The following COL26A1 variants were observed in gnomAD, a reference collection of about 807,000 sequenced individuals.
COL26A1 encodes the protein collagen alpha-1(XXVI) chain.
Under a neutral mutation model 59.3 loss-of-function variants are expected in COL26A1, and 41 were observed. The ratio of observed to expected loss-of-function variants is 0.69; its 90% CI spans 0.54 to 0.90. The LOEUF is 0.90. Ranked by LOEUF, COL26A1 falls within the 40% of genes least tolerant of loss-of-function variation. The pLI is 0.00. For synonymous variants in COL26A1, 266 were observed against 256.0 expected (o/e 1.04, Z -0.37); for missense variants, 612 against 602.3 (o/e 1.02, Z -0.17).
In COL26A1 at chr7:101,407,729, C is replaced by T. The variant is rs373564734; in HGVS notation, c.159-12248C>T. ...AGCACCTCTCCATAAAACATACCCCCTAGCACCATAACGATTTACCATTGC... is the reference window on the plus strand; with the variant it reads ...AGCACCTCTCCATAAAACATACCCCTTAGCACCATAACGATTTACCATTGC... On this transcript the variant is annotated intron_variant, in intron 1 of 12. Transcript: ENST00000313669. Among the ~76,000 whole-genome samples, 5 of 151,998 alleles carry T rather than the reference C, an allele frequency of 3.3e-5. No individual in the cohort carries two copies. In the South Asian group the frequency reaches 6.2e-4, roughly 19 times the overall value.
intron 3 of COL26A1, among the ~76,000 whole-genome samples, chr7:101,467,333 T>C (rs1177602246): frequency 7.0e-6 from 1 of 142,578 alleles, no homozygotes; most frequent in East Asian, 2.0e-4. Context: ...CGAGTGGGTC[T>C]TCTGGTTTCA....
chr7:101,362,750 C>G (rs1216449060), upstream of COL26A1: 3 of 486,190 alleles, frequency 6.2e-6, no homozygotes, highest in African/African-American at 6.3e-5. Context: ...CACCCTAGCT[C>G]TGCCGCCACT....
intron 2 of COL26A1, among the ~76,000 whole-genome samples, chr7:101,434,635 G>A (rs949825030): frequency 1.3e-5 from 2 of 151,870 alleles, no homozygotes; most frequent in African/African-American, 2.4e-5. Flanking sequence ...GAGAGAAGGC[G>A]GCACTCAAAA....
chr7:101,431,235 G>A (rs1792772382), intron 2 of COL26A1, among the ~76,000 whole-genome samples: 1 of 152,154 alleles, frequency 6.6e-6, no homozygotes. Context: ...GATATTAAAT[G>A]TAAGGTTTTC....
At chr7:101,555,644 T>G (rs77156800) in intron 11 of COL26A1, 143 bp from the exon 12 acceptor site, 20,563 of 599,884 alleles carry the variant, frequency 0.034, 432 homozygotes, top group Non-Finnish European at 0.043. Context: ...GTTCAGTCTA[T>G]GCTTATTTGC....
At chr7:101,421,113 G>A (rs1792509127) in intron 2 of COL26A1, among the ~76,000 whole-genome samples, 1 of 152,196 alleles carries the variant, frequency 6.6e-6, no homozygotes, top group Non-Finnish European at 1.5e-5. Context: ...GAAGGGATGG[G>A]GGAGAGGGAG....
intron 1 of COL26A1, among the ~76,000 whole-genome samples, chr7:101,409,135 T>C (rs766105059): frequency 1.3e-4 from 19 of 151,972 alleles, no homozygotes; most frequent in South Asian, 6.2e-4. Flanking sequence ...GGTAGCAGAA[T>C]GAGGAGGGGA....
At chr7:101,404,792 C>G (rs562046643) in intron 1 of COL26A1, among the ~76,000 whole-genome samples, 166 of 150,860 alleles carry the variant, frequency 1.1e-3, no homozygotes, top group Non-Finnish European at 9.4e-4. Context: ...GTTCCAGCTA[C>G]GCAGGAGGCT....
At chr7:101,477,474 T>C (rs1474403047) in intron 3 of COL26A1, among the ~76,000 whole-genome samples, 1 of 152,092 alleles carries the variant, frequency 6.6e-6, no homozygotes, top group African/African-American at 2.4e-5. Context: ...CCTGAGAAAA[T>C]TTGTCTACTC....
At chr7:101,427,121 C>T (rs538372962) in intron 2 of COL26A1, among the ~76,000 whole-genome samples, 55 of 152,348 alleles carry the variant, frequency 3.6e-4, no homozygotes, top group Middle Eastern at 3.4e-3. Context: ...TGCAGTGGCA[C>T]AATCATAGCT....
chr7:101,556,608 T>A (rs944517940), intron 12 of COL26A1, among the ~76,000 whole-genome samples: 11 of 152,052 alleles, frequency 7.2e-5, no homozygotes, highest in Non-Finnish European at 1.0e-4. Context: ...AATGGATGGA[T>A]GGATGGATGA....
At position 101,540,006 on chromosome 7, in the gene COL26A1, T is replaced by C; in HGVS notation, c.561T>C (p.Leu187=). The change falls in exon 5 of 13, where the codon CTT becomes CTC. Residue 187 remains leucine (L), a synonymous_variant. Transcript: ENST00000313669. ...NEDFLPDAIP[L]AHPVPRQRRP... ...ACTTCCTCCCCGACGCCATCCCTCT[T>C]GCTCACCCTGTGCCACGACAGAGAA... 1.2e-6 allele frequency: 2 copies of C among 1,612,698 alleles called. No individual in the cohort carries two copies. Among genetic ancestry groups the C allele is most frequent in the Non-Finnish European group, 1.7e-6 (2 of 1,179,726 alleles).
chr7:101,441,657 C>T (rs1793060763), intron 2 of COL26A1, among the ~76,000 whole-genome samples: 1 of 152,180 alleles, frequency 6.6e-6, no homozygotes, highest in Non-Finnish European at 1.5e-5. Context: ...CCATCTTCAT[C>T]ATTCCAAGTG....
intron 3 of COL26A1, among the ~76,000 whole-genome samples, chr7:101,485,732 G>C (rs1794253733): frequency 6.6e-6 from 1 of 152,138 alleles, no homozygotes; most frequent in Non-Finnish European, 1.5e-5. Flanking sequence ...GCAAAAACCT[G>C]TATGTGCTGG....
At chr7:101,449,321 G>A (rs534370819) in intron 3 of COL26A1, among the ~76,000 whole-genome samples, 46 of 152,312 alleles carry the variant, frequency 3.0e-4, no homozygotes, top group African/African-American at 1.1e-3. Context: ...TCTGGTCAGC[G>A]CCACGGCTGT....
intron 2 of COL26A1, among the ~76,000 whole-genome samples, chr7:101,427,262 T>A (rs1404965874): frequency 1.3e-5 from 2 of 152,204 alleles, no homozygotes; most frequent in Admixed American, 1.3e-4. Flanking sequence ...GAGATCTTGC[T>A]TTGTTGTCCA....
intron 3 of COL26A1, among the ~76,000 whole-genome samples, chr7:101,520,662 A>ACACC (rs915256077): frequency 6.3e-5 from 9 of 143,240 alleles, no homozygotes; most frequent in African/African-American, 2.3e-4. Flanking sequence ...ACACACACAC[A>ACACC]CCCCCGTGTT....
chr7:101,497,547 A>G (rs939402399), intron 3 of COL26A1, among the ~76,000 whole-genome samples: 2 of 150,760 alleles, frequency 1.3e-5, no homozygotes, highest in Admixed American at 6.6e-5. Flanking sequence ...GTGGTGGTGC[A>G]TGCCTGTAGT....
intron 2 of COL26A1, among the ~76,000 whole-genome samples, chr7:101,425,981 C>CT (rs1314890263): frequency 6.6e-6 from 1 of 151,580 alleles, no homozygotes; most frequent in East Asian, 1.9e-4. Context: ...TGTGTGCCAC[C>CT]ACACCTGGCT....
Sources: gnomAD v4.1 joint callset for allele counts (sites outside exome capture counted in the v4.1 genomes callset) on GRCh38, gnomAD v4.1.1 for gene constraint, MANE v1.5 for transcripts, NCBI Gene and HGNC (gene_info 2026-07-23, HGNC 2026-07-21) for gene names.